Variants in JDP2 observed in about 807,000 individuals in gnomAD.
JDP2 encodes the protein Jun dimerization protein 2, also known as progesterone receptor co-activator.
A neutral mutation model predicts 17.1 loss-of-function variants in JDP2; 9 were observed. The ratio of observed to expected loss-of-function variants is 0.53; its 90% CI spans 0.32 to 0.92. The LOEUF (loss-of-function observed/expected upper bound fraction) is 0.92, where lower values mean the gene tolerates loss of function less well. Ranked by LOEUF, JDP2 falls within the 40% of genes least tolerant of loss-of-function variation. JDP2 has a pLI of 0.04. For missense variants in JDP2, 179 were observed against 220.0 expected (o/e 0.81, Z 1.18); for synonymous variants, 107 against 95.6 (o/e 1.12, Z -0.69).
chr14:75,459,986 C>T (rs879337458), intron 2 of JDP2, among the ~76,000 whole-genome samples: 3 of 152,180 alleles, frequency 2.0e-5, no homozygotes, highest in Non-Finnish European at 4.4e-5. Context: ...AACTATTGAG[C>T]CTCAGTCTCA....
At chr14:75,445,768 A>T (rs1254740711) in intron 2 of JDP2, 6 of 202,332 alleles carry the variant, frequency 3.0e-5, no homozygotes, top group Non-Finnish European at 5.3e-5. Context: ...GTGGTTTCTT[A>T]GATTTTATGC....
chr14:75,461,053 C>A (rs574505224), intron 2 of JDP2, among the ~76,000 whole-genome samples: 21 of 152,156 alleles, frequency 1.4e-4, no homozygotes, highest in Admixed American at 1.4e-3. Context: ...TATAACAAAT[C>A]CCCTTTTCTA....
chr14:75,433,195 C>CAAAAA (rs780191475), intron 1 of JDP2, among the ~76,000 whole-genome samples: 3,748 of 19,416 alleles, frequency 0.19, 993 homozygotes, highest in Non-Finnish European at 0.29. Flanking sequence ...AACTCCGTCT[C>CAAAAA]AAAAAAAAAA....
intron 1 of JDP2, chr14:75,432,061 C>T: frequency 5.3e-6 from 3 of 563,524 alleles, no homozygotes; most frequent in Non-Finnish European, 9.5e-6. Flanking sequence ...GATTCACACT[C>T]AGGTGATCTG....
chr14:75,452,583 A>G (rs543781335), intron 2 of JDP2, among the ~76,000 whole-genome samples: 2 of 152,346 alleles, frequency 1.3e-5, no homozygotes, highest in Non-Finnish European at 2.9e-5. Context: ...TGTTTGGCTC[A>G]TGCGGTGTTC....
At chr14:75,433,160 A>G (rs1884888319) in intron 1 of JDP2, among the ~76,000 whole-genome samples, 1 of 122,700 alleles carries the variant, frequency 8.1e-6, no homozygotes. Context: ...GCACCACCGC[A>G]CTCCAGCCTG....
At chr14:75,432,264 G>A (rs1377984867) in intron 1 of JDP2, 1 of 1,514,212 alleles carries the variant, frequency 6.6e-7, no homozygotes, top group African/African-American at 1.4e-5. Flanking sequence ...TTCCAAGAGA[G>A]AGGTCATCCT....
At chr14:75,469,181 A>T in intron 3 of JDP2, 109 bp from the exon 4 acceptor site, 1 of 998,812 alleles carries the variant, frequency 1.0e-6, no homozygotes, top group Non-Finnish European at 1.5e-6. Context: ...CTTCCTGCAG[A>T]AAACAGGCCA....
intron 1 of JDP2, among the ~76,000 whole-genome samples, chr14:75,437,449 C>T (rs560716153): frequency 8.5e-5 from 13 of 152,200 alleles, no homozygotes; most frequent in African/African-American, 2.4e-4. Context: ...CGTTATAATT[C>T]GCTCTCTTCA....
rs962784589 is a variant in JDP2, at chr14:75,472,746, A to G, written c.*3271A>G. 1 of 152,274 alleles carries G rather than the reference A, an allele frequency of 6.6e-6. No homozygotes were observed. Among genetic ancestry groups the G allele is most frequent in the African/African-American group, 2.4e-5 (1 of 41,468 alleles). The allele number at this position is 152,274 out of a possible 1,614,324, so 9.4% of individuals were successfully genotyped here. A position where few individuals can be genotyped will look rare whatever the true frequency, so the allele number is the denominator to read the frequency against. On this transcript the variant is annotated 3_prime_UTR_variant, in exon 4 of 4. Transcript: ENST00000651602. ...TGTCGGTAGTTATTGATATCTACAT[A>G]GTACAGGTTATTTAAATATGTTTTA...
At chr14:75,436,481 C>T (rs1366643375) in intron 1 of JDP2, among the ~76,000 whole-genome samples, 1 of 152,214 alleles carries the variant, frequency 6.6e-6, no homozygotes, top group African/African-American at 2.4e-5. Flanking sequence ...GATTTTATGG[C>T]CCTGGGCAGA....
At chr14:75,465,239 T>C (rs1021406568) in intron 3 of JDP2, among the ~76,000 whole-genome samples, 6 of 152,238 alleles carry the variant, frequency 3.9e-5, no homozygotes, top group Admixed American at 3.3e-4. Context: ...CATATCAGGC[T>C]GCTTCTCAGC....
intron 2 of JDP2, among the ~76,000 whole-genome samples, chr14:75,459,276 G>T (rs1209296647): frequency 6.6e-6 from 1 of 152,218 alleles, no homozygotes; most frequent in Non-Finnish European, 1.5e-5. Flanking sequence ...TTGGGGGTGA[G>T]GTTAAGGTTG....
In JDP2 at chr14:75,470,155, ATG is replaced by A. The variant is rs1886759275; in HGVS notation, c.*682_*683del. On this transcript the variant is annotated 3_prime_UTR_variant, in exon 4 of 4. Transcript: ENST00000651602. ...GTCCTGGCAGGGCTTTCAACTGCACATGTTTTTTATACTTTCCTTTTTTTTTT... is the reference window on the plus strand; with the variant it reads ...GTCCTGGCAGGGCTTTCAACTGCACATTTTTTATACTTTCCTTTTTTTTTT... 1 of 146,122 alleles carries A rather than the reference ATG, an allele frequency of 6.8e-6. No homozygotes were observed. The highest frequency in any genetic ancestry group is 1.5e-5 in the Non-Finnish European group (1 of 66,740). The allele number at this position is 146,122 out of a possible 1,614,324, so 9.1% of individuals were successfully genotyped here.
At position 75,471,476 on chromosome 14, in the gene JDP2, G is replaced by A. The variant is rs937733981; in HGVS notation, c.*2001G>A. 1 of 152,236 alleles carries A rather than the reference G, an allele frequency of 6.6e-6. No individual in the cohort carries two copies. The allele number at this position is 152,236 out of a possible 1,614,324, so 9.4% of individuals were successfully genotyped here. A position where few individuals can be genotyped will look rare whatever the true frequency, so the allele number is the denominator to read the frequency against. ...CTTGACTCCTGCATTCTAATCATGT[G>A]TTCTTTCTCCTCCATCCCTGGACTT... On this transcript the variant is annotated 3_prime_UTR_variant, in exon 4 of 4. Transcript: ENST00000651602.
rs546288483 is a variant in JDP2 at position 75,459,997 on chromosome 14, C to T, written c.202-1429C>T. ...ATTGAACTATTGAGCCTCAGTCTCA[C>T]CATCTGTAAAATGGTACAGTAATAG... On this transcript the variant is annotated intron_variant, in intron 2 of 3. Transcript: ENST00000651602. Among the ~76,000 whole-genome samples, 9 of 152,316 alleles carry T rather than the reference C, an allele frequency of 5.9e-5. No homozygotes were observed. In the South Asian group the frequency reaches 1.9e-3, roughly 32 times the overall value.
intron 1 of JDP2, among the ~76,000 whole-genome samples, chr14:75,436,440 C>G (rs1441242481): frequency 6.6e-6 from 1 of 152,220 alleles, no homozygotes; most frequent in South Asian, 2.1e-4. Context: ...CAAAGATTTT[C>G]CCTCAGGAGT....
intron 2 of JDP2, among the ~76,000 whole-genome samples, chr14:75,439,418 A>G (rs1193396097): frequency 1.3e-5 from 2 of 152,266 alleles, no homozygotes; most frequent in African/African-American, 4.8e-5. Context: ...CTCATCATAC[A>G]CTACCCTGTT....
intron 2 of JDP2, among the ~76,000 whole-genome samples, chr14:75,446,553 C>T (rs1885610053): frequency 6.6e-6 from 1 of 152,124 alleles, no homozygotes; most frequent in South Asian, 2.1e-4. Flanking sequence ...AAGCCAGCCA[C>T]AAGAGACCAC....
Sources: gnomAD v4.1 joint callset for allele counts (sites outside exome capture counted in the v4.1 genomes callset) on GRCh38, gnomAD v4.1.1 for gene constraint, MANE v1.5 for transcripts, NCBI Gene and HGNC (gene_info 2026-07-23, HGNC 2026-07-21) for gene names.